The following TPGS2 variants were observed in gnomAD, a reference collection of about 807,000 sequenced individuals.
TPGS2 encodes polyglutamylase subunit 2.
In TPGS2, 26 loss-of-function variants were observed where a neutral mutation model predicts 31.1. The ratio of observed to expected loss-of-function variants is 0.84; its 90% CI spans 0.61 to 1.16. The LOEUF (loss-of-function observed/expected upper bound fraction) is 1.16, where lower values mean the gene tolerates loss of function less well. Among genes scored for constraint, TPGS2 ranks in the 50% most tolerant of loss-of-function variants. The pLI is 0.00. For missense variants in TPGS2, 351 were observed against 363.8 expected (o/e 0.96, Z 0.29); for synonymous variants, 130 against 136.6 (o/e 0.95, Z 0.34).
chr18:36,821,604 T>G (rs189493484), intron 1 of TPGS2, among the ~76,000 whole-genome samples: 1 of 152,384 alleles, frequency 6.6e-6, no homozygotes, highest in Admixed American at 6.5e-5. Context: ...TTCAAGAAAC[T>G]TATTGCTTAG....
chr18:36,795,330 C>T lies in TPGS2; in HGVS notation c.*1475G>A, dbSNP rs537350326. 134 of 985,504 alleles carry T rather than the reference C, an allele frequency of 1.4e-4. No individual in the cohort carries two copies. Among genetic ancestry groups the T allele is most frequent in the Middle Eastern group, 1.0e-3 (2 of 1,916 alleles). The allele number at this position is 985,504 out of a possible 1,614,324, so 61.0% of individuals were successfully genotyped here. A position where few individuals can be genotyped will look rare whatever the true frequency, so the allele number is the denominator to read the frequency against. On this transcript the variant is annotated 3_prime_UTR_variant, in exon 7 of 7. Coordinates refer to ENST00000334295, the MANE Select transcript of TPGS2 (RefSeq NM_015476.4). ...AAAGGAAGGAAGTCTGGCCAATCACCGGGGTAGAGAGAAGTCAGGAAAGAG... is the reference window on the plus strand; with the variant it reads ...AAAGGAAGGAAGTCTGGCCAATCACTGGGGTAGAGAGAAGTCAGGAAAGAG...
rs758005094 is a variant in TPGS2 at position 36,818,948 on chromosome 18, C to T, written c.111G>A (p.Val37=). 17 of 1,613,640 alleles carry T rather than the reference C, an allele frequency of 1.1e-5. No homozygotes were observed. Among genetic ancestry groups the T allele is most frequent in the Non-Finnish European group, 1.4e-5 (17 of 1,179,682 alleles). ...CAGCAGGAGGCTTTTCTATGATGGT[C>T]ACCTCAGTCACACCTGGGGAAGATT... ...ILESSPGVTE[V]TIIEKPPAER... Residue 37 remains valine (V), a synonymous_variant, in exon 2 of 7, where the codon GTG becomes GTA. Coordinates refer to ENST00000334295, the MANE Select transcript of TPGS2 (RefSeq NM_015476.4).
intron 4 of TPGS2, among the ~76,000 whole-genome samples, chr18:36,804,203 A>G (rs1055795090): frequency 6.6e-6 from 1 of 152,056 alleles, no homozygotes; most frequent in East Asian, 1.9e-4. Context: ...CTGTTTTTCC[A>G]TTTAGGTTTA....
At chr18:36,781,273 A>G (rs2044006044), downstream of TPGS2, among the ~76,000 whole-genome samples, 1 of 152,180 alleles carries the variant, frequency 6.6e-6, no homozygotes, top group Admixed American at 6.5e-5. Context: ...TCTGTCTCTG[A>G]AAACAGGGAA....
chr18:36,809,257 C>G (rs930076347), intron 2 of TPGS2, among the ~76,000 whole-genome samples: 1 of 152,122 alleles, frequency 6.6e-6, no homozygotes, highest in Non-Finnish European at 1.5e-5. Flanking sequence ...GTGAGTTTGA[C>G]AGGAAGAGAG....
chr18:36,787,188 A>G, intron 6 of TPGS2: 1 of 1,157,018 alleles, frequency 8.6e-7, no homozygotes, highest in Non-Finnish European at 1.1e-6. Flanking sequence ...CCACAAGGTA[A>G]TAGGGGGCCT....
Position 36,800,190 on chromosome 18 carries a change from A to G in TPGS2, c.496+8T>C. ...AACTACGGGACCACGCTTGTAAACA[A>G]TTCTTACCTGGTTTCCCACTTTTGT... is the stretch of plus-strand genomic sequence containing the variant. On this transcript the variant is annotated splice_region_variant and intron_variant, in intron 5 of 6. Transcript: ENST00000334295. The G allele has an allele frequency of 6.2e-7, 1 of 1,613,550 alleles. No individual in the cohort carries two copies.
chr18:36,785,357 TC>T (rs1313845713), intron 6 of TPGS2, among the ~76,000 whole-genome samples: 1 of 152,208 alleles, frequency 6.6e-6, no homozygotes, highest in Non-Finnish European at 1.5e-5. Context: ...TGTACAAATT[TC>T]TCATCAATTA....
At chr18:36,805,635 GGAA>G in intron 3 of TPGS2, 133 bp from the exon 4 acceptor site, 3 of 1,242,190 alleles carry the variant, frequency 2.4e-6, no homozygotes, top group Non-Finnish European at 3.4e-6. Flanking sequence ...ATGGAAGGTG[GGAA>G]GAAGAGGATT....
chr18:36,813,343 G>T (rs2045513271), intron 2 of TPGS2, among the ~76,000 whole-genome samples: 1 of 152,184 alleles, frequency 6.6e-6, no homozygotes, highest in African/African-American at 2.4e-5. Flanking sequence ...CACACCAAGT[G>T]AGATGAAGTA....
chr18:36,828,542 C>A (rs1600872251), intron 1 of TPGS2, 141 bp downstream of exon 1: 1 of 890,622 alleles, frequency 1.1e-6, no homozygotes, highest in East Asian at 2.7e-5. Flanking sequence ...CCCCCACTTT[C>A]CTCTGTAACA....
At chr18:36,816,573 C>T (rs376295211) in intron 2 of TPGS2, among the ~76,000 whole-genome samples, 12 of 152,278 alleles carry the variant, frequency 7.9e-5, no homozygotes, top group Admixed American at 5.2e-4. Context: ...CAGGAAAACA[C>T]GAGGATCTGA....
intron 1 of TPGS2, among the ~76,000 whole-genome samples, chr18:36,822,763 T>TA (rs957707297): frequency 5.3e-5 from 8 of 152,208 alleles, no homozygotes; most frequent in Admixed American, 2.0e-4. Context: ...CTGGACTAAT[T>TA]AAAAAATTTT....
intron 4 of TPGS2, among the ~76,000 whole-genome samples, chr18:36,804,289 T>C (rs1487534772): frequency 6.6e-6 from 1 of 152,220 alleles, no homozygotes; most frequent in East Asian, 1.9e-4. Context: ...AAGTGGTTTT[T>C]ATCCCCATTT....
rs2044488216 is a variant in TPGS2, at chr18:36,795,553, T to C, written c.*1252A>G. On this transcript the variant is annotated 3_prime_UTR_variant, in exon 7 of 7. Transcript: ENST00000334295. The stretch of plus-strand genomic sequence containing the variant: ...CCTTGCTTCTGCCCACAGCCAGGAC[T>C]GTAGAGGGAGGAAATAAATAGGCAT... The C allele has an allele frequency of 1.0e-6, 1 of 985,320 alleles. No homozygotes were observed. The allele number at this position is 985,320 out of a possible 1,614,324, so 61.0% of individuals were successfully genotyped here.
In TPGS2 at chr18:36,815,092, T is replaced by C. The variant is rs149481982; in HGVS notation, c.165+3802A>G. 4.0e-3 allele frequency among the ~76,000 whole-genome samples: 605 copies of C among 152,310 alleles called. 6 individuals carry two copies. Among genetic ancestry groups the C allele is most frequent in the South Asian group, 0.033 (157 of 4,828 alleles). ...GATGGAGGCTGGGCTCTAAATGAGGTGTCTCCAAGGAGACAGGCCTCTAGG... is the reference window on the plus strand; with the variant it reads ...GATGGAGGCTGGGCTCTAAATGAGGCGTCTCCAAGGAGACAGGCCTCTAGG... On this transcript the variant is annotated intron_variant, in intron 2 of 6. Coordinates refer to ENST00000334295, the MANE Select transcript of TPGS2 (RefSeq NM_015476.4).
In TPGS2 at chr18:36,796,738, C is replaced by G. The variant is rs941743011; in HGVS notation, c.*67G>C. On this transcript the variant is annotated 3_prime_UTR_variant, in exon 7 of 7. Transcript: ENST00000334295. ...GGTCCACACGCAAAACTGGAGGTCA[C>G]CCCTAGGGCCATCTGTGCATGGAAA... The G allele has an allele frequency of 2.6e-6, 4 of 1,559,138 alleles. No individual in the cohort carries two copies. The highest frequency in any genetic ancestry group is 2.8e-5 in the African/African-American group (2 of 71,968).
Position 36,813,485 on chromosome 18 carries a change from C to T in TPGS2, c.165+5409G>A, listed in dbSNP as rs141505752. 2.3e-3 allele frequency among the ~76,000 whole-genome samples: 346 copies of T among 152,282 alleles called. 3 individuals are homozygous for T. Among genetic ancestry groups the T allele is most frequent in the South Asian group, 0.014 (68 of 4,828 alleles). On this transcript the variant is annotated intron_variant, in intron 2 of 6. Coordinates refer to ENST00000334295, the MANE Select transcript of TPGS2 (RefSeq NM_015476.4). ...AGGATGGTAATTTGTAAACTATGGCCACTGGATCCACCCTGTCACCTGTTT... is the reference window on the plus strand; with the variant it reads ...AGGATGGTAATTTGTAAACTATGGCTACTGGATCCACCCTGTCACCTGTTT...
At chr18:36,820,243 T>C (rs948800940) in intron 1 of TPGS2, among the ~76,000 whole-genome samples, 2 of 152,196 alleles carry the variant, frequency 1.3e-5, no homozygotes, top group Non-Finnish European at 2.9e-5. Context: ...TAAGTAAAAA[T>C]AGACCTTGGG....
Sources: allele counts gnomAD v4.1 joint callset (sites outside exome capture counted in the v4.1 genomes callset), GRCh38; gene constraint gnomAD v4.1.1; transcripts MANE v1.5; gene names NCBI Gene and HGNC (gene_info 2026-07-23, HGNC 2026-07-21).